Variants in NBAS observed in about 807,000 individuals in gnomAD.
The protein encoded by NBAS is NBAS subunit of NRZ tethering complex, also known as NAG/BC035112 fusion.
NBAS carries 219 observed loss-of-function variants against 302.5 expected under a neutral mutation model. The ratio of observed to expected loss-of-function variants is 0.72; its 90% CI spans 0.65 to 0.81. The LOEUF (loss-of-function observed/expected upper bound fraction) is 0.81. Ranked by LOEUF, NBAS falls within the 30% of genes least tolerant of loss-of-function variation. The pLI is 0.00. For synonymous variants in NBAS, 1,118 were observed against 1,021.6 expected (o/e 1.09, Z -1.80); for missense variants, 2,932 against 2,841.6 (o/e 1.03, Z -0.72).
intron 35 of NBAS, among the ~76,000 whole-genome samples, chr2:15,336,183 A>G (rs1390662422): frequency 1.3e-5 from 2 of 152,222 alleles, no homozygotes; most frequent in African/African-American, 2.4e-5. Context: ...CTGTAAGTAA[A>G]ATCTTAAGAC....
At chr2:15,407,377 G>C (rs561746243) in intron 25 of NBAS, among the ~76,000 whole-genome samples, 2 of 152,216 alleles carry the variant, frequency 1.3e-5, no homozygotes, top group East Asian at 3.9e-4. Context: ...CCAAGGAGAG[G>C]GGCCTAGTAA....
intron 51 of NBAS, among the ~76,000 whole-genome samples, chr2:15,169,524 G>T (rs1664198093): frequency 6.6e-6 from 1 of 152,192 alleles, no homozygotes; most frequent in African/African-American, 2.4e-5. Context: ...GGCCCTTGAA[G>T]TCTTCAGACA....
At chr2:14,840,359 ATC>A in the NBAS span, among the ~76,000 whole-genome samples, 4 of 152,078 alleles carry the variant, frequency 2.6e-5, no homozygotes, top group Admixed American at 2.0e-4. Flanking sequence ...AGGGGTGGAA[ATC>A]TTCTGCAAAT....
At chr2:15,548,619 C>A (rs148424015) in intron 6 of NBAS, among the ~76,000 whole-genome samples, 1 of 151,590 alleles carries the variant, frequency 6.6e-6, no homozygotes, top group African/African-American at 2.4e-5. Context: ...CTCCAGCCTG[C>A]GCAACAGAGC....
chr2:15,099,026 G>A, the NBAS span, among the ~76,000 whole-genome samples: 3 of 151,744 alleles, frequency 2.0e-5, no homozygotes, highest in Non-Finnish European at 4.4e-5. Context: ...AAGATTTTAG[G>A]TCGGGGACCA....
intron 48 of NBAS, among the ~76,000 whole-genome samples, chr2:15,214,928 G>A (rs1381258508): frequency 1.3e-5 from 2 of 152,080 alleles, no homozygotes; most frequent in African/African-American, 2.4e-5. Flanking sequence ...CAGACATACT[G>A]AAATTTTAAA....
At chr2:15,526,456 C>T (rs1396679734) in intron 9 of NBAS, among the ~76,000 whole-genome samples, 1 of 152,134 alleles carries the variant, frequency 6.6e-6, no homozygotes, top group Admixed American at 6.5e-5. Context: ...GGCTGATTTA[C>T]TTCACATTTA....
At chr2:15,220,505 CTA>C (rs1666902666) in intron 47 of NBAS, among the ~76,000 whole-genome samples, 1 of 152,044 alleles carries the variant, frequency 6.6e-6, no homozygotes, top group South Asian at 2.1e-4. Flanking sequence ...TTATACTACT[CTA>C]AAAGTGAAGT....
the NBAS span, among the ~76,000 whole-genome samples, chr2:15,157,329 C>T: frequency 3.3e-5 from 5 of 152,148 alleles, no homozygotes; most frequent in Non-Finnish European, 7.3e-5. Context: ...GAAGCTTCTA[C>T]CCATTGAATG....
intron 48 of NBAS, among the ~76,000 whole-genome samples, chr2:15,195,251 T>G (rs769250556): frequency 6.6e-6 from 1 of 152,182 alleles, no homozygotes; most frequent in Non-Finnish European, 1.5e-5. Context: ...AGTGATGCTC[T>G]GAATGGATTA....
intron 12 of NBAS, among the ~76,000 whole-genome samples, chr2:15,487,601 C>G (rs551070934): frequency 6.6e-6 from 1 of 152,292 alleles, no homozygotes; most frequent in East Asian, 1.9e-4. Context: ...AATATATGCC[C>G]TATAAATCAG....
chr2:14,844,392 C>A, the NBAS span, among the ~76,000 whole-genome samples: 1 of 152,190 alleles, frequency 6.6e-6, no homozygotes, highest in Non-Finnish European at 1.5e-5. Context: ...GAATAATCAG[C>A]AGTGATACCC....
At chr2:14,909,377 A>AAAAAAAAAAAAG in the NBAS span, among the ~76,000 whole-genome samples, 1 of 78,736 alleles carries the variant, frequency 1.3e-5, no homozygotes, top group African/African-American at 4.8e-5. Context: ...AAAAAAAAAA[A>AAAAAAAAAAAAG]AAAAAAAAAA....
the NBAS span, among the ~76,000 whole-genome samples, chr2:14,798,835 G>A: frequency 2.0e-5 from 3 of 151,912 alleles, no homozygotes; most frequent in African/African-American, 7.2e-5. Flanking sequence ...TACTTAGGTA[G>A]GTGGTTAAAT....
the NBAS span, among the ~76,000 whole-genome samples, chr2:14,943,863 CT>C: frequency 6.6e-6 from 1 of 151,964 alleles, no homozygotes; most frequent in Non-Finnish European, 1.5e-5. Context: ...CCCATGATTC[CT>C]TTTTTGCAAG....
chr2:15,338,710 C>CACACACACACAT (rs1454097551), intron 35 of NBAS, among the ~76,000 whole-genome samples: 3,803 of 148,524 alleles, frequency 0.026, 77 homozygotes, highest in Non-Finnish European at 0.038. Context: ...CACACACACA[C>CACACACACACAT]ATCAAATTAG....
chr2:15,399,834 T>C (rs1438494949), intron 26 of NBAS, among the ~76,000 whole-genome samples: 1 of 152,198 alleles, frequency 6.6e-6, no homozygotes, highest in African/African-American at 2.4e-5. Context: ...ATAGGGATTA[T>C]TCAGAATGCC....
the NBAS span, among the ~76,000 whole-genome samples, chr2:14,978,022 C>T: frequency 2.0e-5 from 3 of 152,124 alleles, no homozygotes; most frequent in Non-Finnish European, 4.4e-5. Context: ...CAACTGTCTC[C>T]TATTTTTCTA....
the NBAS span, among the ~76,000 whole-genome samples, chr2:15,025,095 GA>G: frequency 5.3e-5 from 8 of 152,232 alleles, no homozygotes; most frequent in African/African-American, 1.9e-4. Context: ...TATAGTTTTA[GA>G]TTTTGCATTT....
Sources: allele counts gnomAD v4.1 joint callset (sites outside exome capture counted in the v4.1 genomes callset), GRCh38; gene constraint gnomAD v4.1.1; transcripts MANE v1.5; gene names NCBI Gene and HGNC (gene_info 2026-07-23, HGNC 2026-07-21).